NREP: variants seen among roughly 807,000 people sequenced by gnomAD.
NREP encodes the protein neuronal regeneration related protein.
NREP carries 5 observed loss-of-function variants against 8.6 expected under a neutral mutation model. That is an observed-to-expected ratio of 0.58 (90% CI 0.30 to 1.22). The LOEUF (loss-of-function observed/expected upper bound fraction) is 1.22, where lower values mean the gene tolerates loss of function less well. Among genes scored for constraint, NREP ranks in the 50% most tolerant of loss-of-function variants. The pLI, the probability that NREP is intolerant of heterozygous loss-of-function variation, is 0.07. For synonymous variants in NREP, 27 were observed against 28.0 expected, an observed-to-expected ratio of 0.96 and a Z score of 0.11; for missense variants, 86 against 82.5, an observed-to-expected ratio of 1.04 and a Z score of -0.17.
At chr5:111,878,208 C>G (rs1753957634) in intron 2 of NREP, among the ~76,000 whole-genome samples, 1 of 152,142 alleles carries the variant, frequency 6.6e-6, no homozygotes, top group African/African-American at 2.4e-5. Flanking sequence ...ATTAAATATT[C>G]ATATAATAGA....
chr5:111,964,855 C>CAAAAAAAAAAAAAAAAAAAAAAA (rs58877839), intron 2 of NREP, among the ~76,000 whole-genome samples: 19 of 44,882 alleles, frequency 4.2e-4, no homozygotes, highest in South Asian at 1.5e-3. Context: ...CTTTCAGCAG[C>CAAAAAAAAAAAAAAAAAAAAAAA]AAAAAAAAAA....
At chr5:111,963,332 T>C (rs1756533952) in intron 2 of NREP, among the ~76,000 whole-genome samples, 1 of 152,192 alleles carries the variant, frequency 6.6e-6, no homozygotes, top group Non-Finnish European at 1.5e-5. Context: ...AGTCCAACAA[T>C]GGGGTCCAGA....
chr5:111,835,789 GAT>G (rs1283462420), intron 2 of NREP, among the ~76,000 whole-genome samples: 16 of 152,078 alleles, frequency 1.1e-4, no homozygotes, highest in African/African-American at 3.9e-4. Flanking sequence ...AGAGGCTGAA[GAT>G]AGGGGGAAAA....
At chr5:111,858,869 A>C (rs1199638854) in intron 2 of NREP, among the ~76,000 whole-genome samples, 1 of 152,178 alleles carries the variant, frequency 6.6e-6, no homozygotes, top group East Asian at 1.9e-4. Context: ...ACAAGAATAC[A>C]TAAAACATTT....
intron 2 of NREP, among the ~76,000 whole-genome samples, chr5:111,935,707 G>A (rs546348): frequency 4.4e-4 from 67 of 152,018 alleles, no homozygotes; most frequent in African/African-American, 1.6e-3. Flanking sequence ...AAATTGTAAC[G>A]TCCACTCCTC....
intron 2 of NREP, among the ~76,000 whole-genome samples, chr5:111,746,216 T>C (rs968113883): frequency 5.9e-5 from 9 of 151,934 alleles, no homozygotes; most frequent in Non-Finnish European, 1.3e-4. Context: ...ATAGTAAAAT[T>C]AAAGTTCAAA....
intron 2 of NREP, among the ~76,000 whole-genome samples, chr5:111,769,502 AGGACCT>A (rs1165482885): frequency 1.3e-5 from 2 of 152,242 alleles, no homozygotes; most frequent in African/African-American, 4.8e-5. Flanking sequence ...CACTTGAGCT[AGGACCT>A]GAATAAGAAG....
Position 111,864,623 on chromosome 5 carries a change from T to TA in NREP, c.135+110650dup, listed in dbSNP as rs980038440. On this transcript the variant is annotated intron_variant, in intron 2 of 3. Transcript: ENST00000395634. ...AAAGATCTCCTTAGGGTAGTGATAA[T>TA]AAAAAAAAAGTTTGAGAAACACTGC... 2.5e-4 allele frequency among the ~76,000 whole-genome samples: 38 copies of TA among 150,738 alleles called. No homozygotes were observed. The East Asian group carries it at 4.5e-3, about 18-fold the overall frequency.
chr5:111,913,758 C>T (rs1209648033), intron 2 of NREP, among the ~76,000 whole-genome samples: 2 of 151,982 alleles, frequency 1.3e-5, no homozygotes, highest in Non-Finnish European at 2.9e-5. Flanking sequence ...ACCTTCTCCC[C>T]GTCTCTGGAT....
At chr5:111,766,207 TAA>T (rs1015277312) in intron 2 of NREP, among the ~76,000 whole-genome samples, 2 of 152,206 alleles carry the variant, frequency 1.3e-5, no homozygotes, top group African/African-American at 4.8e-5. Context: ...TTAAACACTG[TAA>T]AGTTTTACTT....
chr5:111,818,816 T>C (rs1008250056), intron 2 of NREP, among the ~76,000 whole-genome samples: 6 of 152,186 alleles, frequency 3.9e-5, no homozygotes, highest in Admixed American at 3.9e-4. Context: ...TGTACAGATT[T>C]TACAGGTTAA....
chr5:111,950,520 T>C (rs1166189889), intron 2 of NREP, among the ~76,000 whole-genome samples: 1 of 152,040 alleles, frequency 6.6e-6, no homozygotes, highest in Non-Finnish European at 1.5e-5. Flanking sequence ...CCAAAAGCAA[T>C]GGCAACAAAG....
chr5:111,881,313 AAGC>A (rs1754060622), intron 2 of NREP, among the ~76,000 whole-genome samples: 1 of 152,170 alleles, frequency 6.6e-6, no homozygotes, highest in Non-Finnish European at 1.5e-5. Context: ...TAGGTAAACA[AAGC>A]AGCCTGGGAA....
intron 2 of NREP, among the ~76,000 whole-genome samples, chr5:111,948,323 G>C (rs944990473): frequency 1.3e-5 from 2 of 152,046 alleles, no homozygotes; most frequent in African/African-American, 4.8e-5. Flanking sequence ...CAGTGTGCTG[G>C]ATAAATGCTA....
At chr5:111,800,868 CA>C in intron 2 of NREP, among the ~76,000 whole-genome samples, 1 of 152,210 alleles carries the variant, frequency 6.6e-6, no homozygotes, top group East Asian at 1.9e-4. Context: ...TCAAGATAAA[CA>C]ATAATTAGTC....
intron 2 of NREP, among the ~76,000 whole-genome samples, chr5:111,809,511 G>C (rs555514150): frequency 1.3e-5 from 2 of 152,312 alleles, no homozygotes; most frequent in African/African-American, 4.8e-5. Context: ...AGTAGTGAGA[G>C]AGTTCTCTCT....
rs1306000756 is a variant in NREP at position 111,729,373 on chromosome 5, T to C, written c.*1548A>G. The C allele has an allele frequency of 2.0e-5, 3 of 152,282 alleles. No homozygotes were observed. In the East Asian group the frequency reaches 5.8e-4, roughly 29 times the overall value. 9.4% of individuals were successfully genotyped at this position (152,282 alleles called of 1,614,324 possible). ...GCTAAAATACATTGGGTACTTGTCA[T>C]GAGTGCATCAGTAAAGATCACACTG... On this transcript the variant is annotated 3_prime_UTR_variant, in exon 4 of 4. Transcript: ENST00000257435.
At chr5:111,906,700 T>C (rs1754786961) in intron 2 of NREP, among the ~76,000 whole-genome samples, 1 of 152,036 alleles carries the variant, frequency 6.6e-6, no homozygotes, top group East Asian at 1.9e-4. Context: ...CATTTTGGAT[T>C]TTAGCTTTTC....
chr5:111,742,732 C>T (rs1413155251), intron 2 of NREP, among the ~76,000 whole-genome samples: 1 of 152,112 alleles, frequency 6.6e-6, no homozygotes, highest in African/African-American at 2.4e-5. Flanking sequence ...CTAATTCAAG[C>T]ATAGTGAACA....
Sources: gnomAD v4.1 joint callset for allele counts (sites outside exome capture counted in the v4.1 genomes callset) on GRCh38, gnomAD v4.1.1 for gene constraint, MANE v1.5 for transcripts, NCBI Gene and HGNC (gene_info 2026-07-23, HGNC 2026-07-21) for gene names.